The following DLG2 variants were observed in gnomAD, a reference collection of about 807,000 sequenced individuals.
DLG2 encodes discs large MAGUK scaffold protein 2, also known as disks large homolog 2.
In DLG2, 45 loss-of-function variants were observed where a neutral mutation model predicts 132.5. The observed-to-expected ratio is 0.34, with a 90% confidence interval of 0.27 to 0.44. The LOEUF (loss-of-function observed/expected upper bound fraction) is 0.44, where lower values mean the gene tolerates loss of function less well. DLG2 is among the 20% of genes least tolerant of loss of function. The pLI, the probability that DLG2 is intolerant of heterozygous loss-of-function variation, is 1.00. For synonymous variants in DLG2, 424 were observed against 419.6 expected (o/e 1.01, Z -0.13); for missense variants, 1,045 against 1,196.9 (o/e 0.87, Z 1.87).
At chr11:84,334,830 T>C (rs542941181) in intron 7 of DLG2, among the ~76,000 whole-genome samples, 3 of 152,186 alleles carry the variant, frequency 2.0e-5, no homozygotes, top group East Asian at 1.9e-4. Context: ...TGGGGGTATA[T>C]AAGAGAGGTT....
At chr11:84,652,548 A>C (rs2099683334) in intron 6 of DLG2, among the ~76,000 whole-genome samples, 1 of 152,186 alleles carries the variant, frequency 6.6e-6, no homozygotes, top group Non-Finnish European at 1.5e-5. Flanking sequence ...ATGTGTAAGG[A>C]AAGATTTTTT....
At chr11:84,671,853 T>A (rs1324141343) in intron 6 of DLG2, among the ~76,000 whole-genome samples, 2 of 152,112 alleles carry the variant, frequency 1.3e-5, no homozygotes, top group Non-Finnish European at 1.5e-5. Context: ...CCAGTAAATT[T>A]GTGAAACGAG....
Position 84,156,834 on chromosome 11 carries a change from C to A in DLG2, c.624+6627G>T, listed in dbSNP as rs779068268. On this transcript the variant is annotated intron_variant, in intron 9 of 27. Transcript: ENST00000376104. ...TAGTGAATTGCCAGGTAAGAAGAGA[C>A]CCATTAAAGTTGTCTAATAGTGGCC... 4.6e-5 allele frequency among the ~76,000 whole-genome samples: 7 copies of A among 152,094 alleles called. 1 individual carries two copies.
Position 84,618,479 on chromosome 11 carries a change from T to C in DLG2, c.358-83748A>G, listed in dbSNP as rs148178351. On this transcript the variant is annotated intron_variant, in intron 6 of 27. Transcript: ENST00000376104. ...GAAAAATAAGCAAGACCAAACCAAA[T>C]GACACACAAAATCCTATCAACTAAA... Among the ~76,000 whole-genome samples, 25 of 152,032 alleles carry C rather than the reference T, an allele frequency of 1.6e-4. No homozygotes were observed. The East Asian group carries it at 4.4e-3, about 27-fold the overall frequency.
intron 14 of DLG2, among the ~76,000 whole-genome samples, chr11:83,933,249 G>C (rs1565699668): frequency 1.3e-5 from 2 of 152,154 alleles, no homozygotes; most frequent in Non-Finnish European, 2.9e-5. Flanking sequence ...TAATTGAAAG[G>C]GCCTGCTTAT....
At chr11:83,939,255 C>T (rs2082142061) in intron 14 of DLG2, among the ~76,000 whole-genome samples, 1 of 152,198 alleles carries the variant, frequency 6.6e-6, no homozygotes, top group Non-Finnish European at 1.5e-5. Context: ...CTCTCGCTAG[C>T]AGATGAGTGA....
At chr11:84,826,973 C>T (rs1267843094) in intron 6 of DLG2, among the ~76,000 whole-genome samples, 1 of 151,716 alleles carries the variant, frequency 6.6e-6, no homozygotes, top group African/African-American at 2.4e-5. Flanking sequence ...TTCTGTGTGA[C>T]AGGGGAGAGA....
chr11:85,284,571 A>G (rs141598930), intron 4 of DLG2, among the ~76,000 whole-genome samples: 1 of 152,026 alleles, frequency 6.6e-6, no homozygotes, highest in East Asian at 1.9e-4. Flanking sequence ...GCCCTTAGGT[A>G]TGAACCTGAG....
chr11:84,363,942 A>G (rs11233996), intron 7 of DLG2, among the ~76,000 whole-genome samples: 9,159 of 152,134 alleles, frequency 0.06, 282 homozygotes, highest in Non-Finnish European at 0.075. Flanking sequence ...GTCAGGTAGC[A>G]TGATGCCTCC....
In DLG2 at chr11:83,709,853, G is replaced by A. The variant is rs147271560; in HGVS notation, c.1826-76528C>T. 4.9e-3 allele frequency among the ~76,000 whole-genome samples: 746 copies of A among 152,294 alleles called. 6 individuals carry two copies. Among genetic ancestry groups the A allele is most frequent in the African/African-American group, 0.015 (625 of 41,558 alleles). ...AGGCAGGAGAAAGAAGGTTCTAAGC[G>A]TAAGTAGGTGATCATTGAAAGGGCA... is the stretch of plus-strand genomic sequence containing the variant. On this transcript the variant is annotated intron_variant, in intron 18 of 27. Transcript: ENST00000376104.
chr11:83,641,554 T>A (rs2066520009), intron 18 of DLG2, among the ~76,000 whole-genome samples: 1 of 152,172 alleles, frequency 6.6e-6, no homozygotes. Flanking sequence ...AGAGCTTTTC[T>A]CACCCTGGCT....
chr11:84,431,411 T>C (rs1473917501), intron 7 of DLG2, among the ~76,000 whole-genome samples: 2 of 152,300 alleles, frequency 1.3e-5, no homozygotes, highest in East Asian at 3.9e-4. Context: ...ACAAATTCAA[T>C]AAATATTAAC....
chr11:85,447,368 T>C (rs1288493334), intron 3 of DLG2, among the ~76,000 whole-genome samples: 1 of 152,020 alleles, frequency 6.6e-6, no homozygotes, highest in Non-Finnish European at 1.5e-5. Context: ...AGAGATGGGG[T>C]CTTTAAAGAG....
chr11:85,338,349 C>T (rs1272995530), intron 3 of DLG2, among the ~76,000 whole-genome samples: 1 of 152,100 alleles, frequency 6.6e-6, no homozygotes, highest in Non-Finnish European at 1.5e-5. Context: ...CATTTATGTA[C>T]AAATCACTTT....
intron 18 of DLG2, among the ~76,000 whole-genome samples, chr11:83,637,648 T>C (rs2065205499): frequency 6.6e-6 from 1 of 152,162 alleles, no homozygotes; most frequent in Non-Finnish European, 1.5e-5. Flanking sequence ...CACAATTGTT[T>C]AGAATATAAG....
chr11:84,243,031 A>C (rs922529701), intron 8 of DLG2, among the ~76,000 whole-genome samples: 1 of 132,790 alleles, frequency 7.5e-6, no homozygotes, highest in Non-Finnish European at 1.6e-5. Context: ...ATATATATAT[A>C]TATATATACA....
intron 6 of DLG2, among the ~76,000 whole-genome samples, chr11:84,934,141 T>C (rs1327781100): frequency 6.6e-6 from 1 of 152,218 alleles, no homozygotes; most frequent in Non-Finnish European, 1.5e-5. Context: ...ATGTGGTTTT[T>C]GTCTTTATTT....
At chr11:84,784,171 A>AG (rs2072378246) in intron 6 of DLG2, among the ~76,000 whole-genome samples, 1 of 124,974 alleles carries the variant, frequency 8.0e-6, no homozygotes, top group Non-Finnish European at 1.7e-5. Flanking sequence ...AAAAAAAAAA[A>AG]GCTTAGCTGA....
chr11:83,932,292 T>C (rs1591318004), intron 14 of DLG2, among the ~76,000 whole-genome samples: 2 of 151,826 alleles, frequency 1.3e-5, no homozygotes. Context: ...TGGAGTGCAG[T>C]GGCGCAATCT....
Sources: gnomAD v4.1 joint callset for allele counts (sites outside exome capture counted in the v4.1 genomes callset) on GRCh38, gnomAD v4.1.1 for gene constraint, MANE v1.5 for transcripts, NCBI Gene and HGNC (gene_info 2026-07-23, HGNC 2026-07-21) for gene names.